BABAM2: variants seen among roughly 807,000 people sequenced by gnomAD.
BABAM2 encodes the protein BRISC and BRCA1 A complex member 2.
In BABAM2, 31 loss-of-function variants were observed where a neutral mutation model predicts 54.7. The observed-to-expected ratio is 0.57, with a 90% CI of 0.43 to 0.77. The LOEUF (loss-of-function observed/expected upper bound fraction) is 0.77. Ranked by LOEUF, BABAM2 falls within the 30% of genes least tolerant of loss-of-function variation. The pLI is 0.00. For synonymous variants in BABAM2, 167 were observed against 162.9 expected (o/e 1.03, Z -0.19); for missense variants, 364 against 455.8 (o/e 0.80, Z 1.83).
chr2:28,246,634 C>T (rs1405878182), intron 10 of BABAM2, among the ~76,000 whole-genome samples: 1 of 152,220 alleles, frequency 6.6e-6, no homozygotes, highest in African/African-American at 2.4e-5. Flanking sequence ...CTCCAAGTGA[C>T]ATAATAGCCT....
At chr2:27,910,580 C>A (rs1453021390) in intron 2 of BABAM2, among the ~76,000 whole-genome samples, 1 of 152,044 alleles carries the variant, frequency 6.6e-6, no homozygotes, top group Non-Finnish European at 1.5e-5. Flanking sequence ...TAGTCACTGA[C>A]CCCTCTTCCC....
intron 7 of BABAM2, among the ~76,000 whole-genome samples, chr2:28,138,875 C>T (rs1311240163): frequency 6.6e-6 from 1 of 152,136 alleles, no homozygotes; most frequent in Non-Finnish European, 1.5e-5. Flanking sequence ...GTATCTTATT[C>T]TTTGCTAGAT....
intron 11 of BABAM2, among the ~76,000 whole-genome samples, chr2:28,315,466 CTTTTCTTTTCT>C: frequency 7.9e-6 from 1 of 126,298 alleles, no homozygotes; most frequent in East Asian, 2.2e-4. Flanking sequence ...CTTTTCTTTT[CTTTTCTTTTCT>C]TTTCTTTTCG....
At chr2:28,014,384 C>T (rs1444813544) in intron 4 of BABAM2, among the ~76,000 whole-genome samples, 1 of 152,172 alleles carries the variant, frequency 6.6e-6, no homozygotes, top group Non-Finnish European at 1.5e-5. Flanking sequence ...AATTCTGGCT[C>T]CACCAGAAGC....
At position 28,237,358 on chromosome 2, in the gene BABAM2, C is replaced by T. The variant is rs538542692; in HGVS notation, c.780+57C>T. ...TGAGATTTCTTCCTCCAGTCCACCA[C>T]GTACCCAAAATCATCGTGCATGCTC... is the stretch of plus-strand genomic sequence containing the variant. On this transcript the variant is annotated intron_variant, in intron 8 of 11. Transcript: ENST00000379624. 7.4e-6 allele frequency: 11 copies of T among 1,487,548 alleles called. No individual in the cohort carries two copies. The Admixed American group carries it at 8.4e-5, about 11-fold the overall frequency. The allele number at this position is 1,487,548 out of a possible 1,614,324, so 92.1% of individuals were successfully genotyped here.
intron 5 of BABAM2, among the ~76,000 whole-genome samples, chr2:28,042,763 A>G (rs1165057775): frequency 3.9e-5 from 6 of 152,096 alleles, no homozygotes; most frequent in African/African-American, 1.4e-4. Flanking sequence ...GTGAATGGAA[A>G]CATTTTAAAA....
intron 3 of BABAM2, among the ~76,000 whole-genome samples, chr2:27,951,197 C>A (rs983480169): frequency 6.6e-6 from 1 of 152,124 alleles, no homozygotes; most frequent in Non-Finnish European, 1.5e-5. Context: ...CTTTTACTTT[C>A]ACTTGCTCTT....
intron 3 of BABAM2, among the ~76,000 whole-genome samples, chr2:27,958,528 G>A (rs1044935730): frequency 1.1e-4 from 16 of 148,688 alleles, no homozygotes; most frequent in African/African-American, 3.2e-4. Flanking sequence ...ATACATATAT[G>A]CATAAACTTA....
At chr2:28,143,887 A>G (rs1486781384) in intron 7 of BABAM2, among the ~76,000 whole-genome samples, 1 of 152,198 alleles carries the variant, frequency 6.6e-6, no homozygotes, top group Non-Finnish European at 1.5e-5. Flanking sequence ...AAGTTCATTC[A>G]GAAATAGAAC....
chr2:28,089,159 C>T (rs944082009), intron 6 of BABAM2, among the ~76,000 whole-genome samples: 2 of 152,188 alleles, frequency 1.3e-5, no homozygotes, highest in South Asian at 2.1e-4. Flanking sequence ...GAGGAAAGAG[C>T]TCTCCTTCAT....
At position 28,016,078 on chromosome 2, in the gene BABAM2, C is replaced by T. The variant is rs61999301; in HGVS notation, c.301-9148C>T. On this transcript the variant is annotated intron_variant, in intron 4 of 11. Transcript: ENST00000379624. ...GGACCTTTCAGAAGATTTATGTGAA[C>T]GGTTCTTTTTCTTTCTCAGTTTTCC... 1.6e-3 allele frequency: 1,229 copies of T among 778,304 alleles called. 10 individuals carry two copies. In the African/African-American group the frequency reaches 0.018, roughly 12 times the overall value. The allele number at this position is 778,304 out of a possible 1,614,324, so 48.2% of individuals were successfully genotyped here. A position where few individuals can be genotyped will look rare whatever the true frequency, so the allele number is the denominator to read the frequency against.
At position 28,061,194 on chromosome 2, in the gene BABAM2, A is replaced by C. The variant is rs987114532; in HGVS notation, c.570+15395A>C. ...GAAATAGATCCACACATACGTGGAC[A>C]ATTGATTTTTGACCCAGGTGCAAAA... On this transcript the variant is annotated intron_variant, in intron 6 of 11. Coordinates refer to ENST00000379624, the MANE Select transcript of BABAM2 (RefSeq NM_199191.3). Among the ~76,000 whole-genome samples, 8 of 152,326 alleles carry C rather than the reference A, an allele frequency of 5.3e-5. No individual in the cohort carries two copies. The South Asian group carries it at 1.7e-3, about 32-fold the overall frequency.
intron 6 of BABAM2, among the ~76,000 whole-genome samples, chr2:28,066,379 ATAT>A (rs1315878713): frequency 1.3e-5 from 2 of 152,040 alleles, no homozygotes; most frequent in Non-Finnish European, 2.9e-5. Context: ...TTGTTTGGGA[ATAT>A]TATTATATAT....
At chr2:28,141,751 C>T (rs897716140) in intron 7 of BABAM2, among the ~76,000 whole-genome samples, 6 of 152,144 alleles carry the variant, frequency 3.9e-5, no homozygotes, top group Admixed American at 2.0e-4. Flanking sequence ...ATGATTTTCT[C>T]ATATCAGTAT....
chr2:28,225,582 T>C (rs994189030), intron 7 of BABAM2, among the ~76,000 whole-genome samples: 1 of 152,146 alleles, frequency 6.6e-6, no homozygotes, highest in African/African-American at 2.4e-5. Flanking sequence ...AGTCACCAAC[T>C]AACAGCTAGT....
chr2:28,183,859 A>G (rs1675940603), intron 7 of BABAM2, among the ~76,000 whole-genome samples: 1 of 151,858 alleles, frequency 6.6e-6, no homozygotes. Context: ...TGTCCTGTTT[A>G]TGTTTGTGTA....
At chr2:28,171,132 T>TA (rs1674281709) in intron 7 of BABAM2, among the ~76,000 whole-genome samples, 1 of 152,016 alleles carries the variant, frequency 6.6e-6, no homozygotes, top group African/African-American at 2.4e-5. Flanking sequence ...TATATATATC[T>TA]TGGAGATTGT....
intron 4 of BABAM2, among the ~76,000 whole-genome samples, chr2:27,992,401 G>A (rs570651794): frequency 6.6e-6 from 1 of 152,206 alleles, no homozygotes; most frequent in South Asian, 2.1e-4. Flanking sequence ...GGGTGCAGTG[G>A]CTCATGACTT....
chr2:28,289,074 A>G (rs1031809941), intron 10 of BABAM2, among the ~76,000 whole-genome samples: 1 of 151,732 alleles, frequency 6.6e-6, no homozygotes. Flanking sequence ...GCGCACACAC[A>G]CACACACACG....
Sources: gnomAD v4.1 joint callset for allele counts (sites outside exome capture counted in the v4.1 genomes callset) on GRCh38, gnomAD v4.1.1 for gene constraint, MANE v1.5 for transcripts, NCBI Gene and HGNC (gene_info 2026-07-23, HGNC 2026-07-21) for gene names.